ZNF782: variants seen among roughly 807,000 people sequenced by gnomAD.
ZNF782 encodes the protein zinc finger protein 782.
In ZNF782, 12 loss-of-function variants were observed where a neutral mutation model predicts 13.0. The observed-to-expected ratio is 0.92, with a 90% confidence interval of 0.59 to 1.50. The LOEUF (loss-of-function observed/expected upper bound fraction) is 1.50, where lower values mean the gene tolerates loss of function less well. ZNF782 is among the 40% of genes most tolerant of loss of function. The pLI, the probability that ZNF782 is intolerant of heterozygous loss-of-function variation, is 0.00. For missense variants in ZNF782, 770 were observed against 822.9 expected, an observed-to-expected ratio of 0.94 and a Z score of 0.79; for synonymous variants, 284 against 283.0, an observed-to-expected ratio of 1.00 and a Z score of -0.04.
chr9:96,821,955 C>T (rs771544572), intron 5 of ZNF782, among the ~76,000 whole-genome samples: 2 of 152,168 alleles, frequency 1.3e-5, no homozygotes, highest in African/African-American at 4.8e-5. Context: ...TAAGCCACCG[C>T]GCCTGGCCAA....
chr9:96,867,935 A>G (rs1262692160), intron 1 of ZNF782, among the ~76,000 whole-genome samples: 1 of 152,230 alleles, frequency 6.6e-6, no homozygotes, highest in African/African-American at 2.4e-5. Context: ...CCATTCTAGT[A>G]GCTCACTGTG....
chr9:96,862,475 T>C (rs568051480), intron 1 of ZNF782, among the ~76,000 whole-genome samples: 5 of 152,336 alleles, frequency 3.3e-5, no homozygotes, highest in African/African-American at 9.6e-5. Flanking sequence ...AAATATTTTA[T>C]ATACCCCATA....
chr9:96,839,298 T>G (rs1429556990), intron 4 of ZNF782, among the ~76,000 whole-genome samples: 3 of 145,900 alleles, frequency 2.1e-5, no homozygotes, highest in East Asian at 2.0e-4. Flanking sequence ...TTTTTTTTTT[T>G]GTCTGTACCA....
chr9:96,886,236 C>A, the ZNF782 span, among the ~76,000 whole-genome samples: 3 of 149,958 alleles, frequency 2.0e-5, no homozygotes, highest in Non-Finnish European at 4.4e-5. Context: ...AACTGTCAAC[C>A]CAGAATTCTA....
intron 4 of ZNF782, among the ~76,000 whole-genome samples, chr9:96,840,735 G>A (rs977435861): frequency 1.3e-5 from 2 of 152,014 alleles, no homozygotes; most frequent in African/African-American, 2.4e-5. Flanking sequence ...TTAGTAACCC[G>A]ATATGCAATT....
chr9:96,911,169 GTGGCTCACGCC>G, the ZNF782 span, among the ~76,000 whole-genome samples: 1 of 146,182 alleles, frequency 6.8e-6, no homozygotes, highest in South Asian at 2.1e-4. Flanking sequence ...GCCAGGCGCG[GTGGCTCACGCC>G]TGTAATCCCA....
chr9:96,900,139 C>T, the ZNF782 span, among the ~76,000 whole-genome samples: 1 of 151,016 alleles, frequency 6.6e-6, no homozygotes, highest in Non-Finnish European at 1.5e-5. Context: ...TATTTAATAG[C>T]CTTTACTCTG....
intron 1 of ZNF782, among the ~76,000 whole-genome samples, chr9:96,864,168 T>C (rs1178127314): frequency 6.7e-6 from 1 of 149,914 alleles, no homozygotes; most frequent in Non-Finnish European, 1.5e-5. Flanking sequence ...ACTGAGCAGC[T>C]CCTATTCAGA....
intron 5 of ZNF782, among the ~76,000 whole-genome samples, chr9:96,826,721 T>A (rs1408021917): frequency 1.4e-4 from 21 of 152,186 alleles, no homozygotes; most frequent in Admixed American, 1.4e-3. Flanking sequence ...ACAAACAATA[T>A]GATAGGGAAC....
chr9:96,875,563 A>G (rs1851882432), exon 1 of ZNF782: 1 of 456,710 alleles, frequency 2.2e-6, no homozygotes. Context: ...ACTTTGGTCA[A>G]CGTTTATAAA....
At chr9:96,926,382 G>A in the ZNF782 span, among the ~76,000 whole-genome samples, 2 of 152,178 alleles carry the variant, frequency 1.3e-5, no homozygotes. Flanking sequence ...TTTACTGTTT[G>A]TTTGGTTTGG....
upstream of ZNF782, among the ~76,000 whole-genome samples, chr9:96,879,550 A>C (rs1390042576): frequency 6.6e-6 from 1 of 152,186 alleles, no homozygotes; most frequent in Non-Finnish European, 1.5e-5. Context: ...GGCATCTAAT[A>C]AAAGGGACTT....
Position 96,818,673 on chromosome 9 carries a change from G to T in ZNF782, c.1350C>A (p.Phe450Leu). The T allele has an allele frequency of 5.0e-6, 8 of 1,613,100 alleles. No individual in the cohort carries two copies. Among genetic ancestry groups the T allele is most frequent in the Non-Finnish European group, 6.8e-6 (8 of 1,179,746 alleles). ...HQRTHTGEKP[F>L]ECHECGKSFN... The stretch of plus-strand genomic sequence containing the variant: ...AAGATTTCCCACATTCATGACATTC[G>T]AATGGTTTCTCCCCTGTGTGGGTTC... The change falls in exon 6 of 6, where the codon TTC becomes TTA. Residue 450 changes from phenylalanine (F) to leucine (L), a missense_variant. Transcript: ENST00000481138.
At chr9:96,911,906 G>A in the ZNF782 span, among the ~76,000 whole-genome samples, 10 of 151,938 alleles carry the variant, frequency 6.6e-5, no homozygotes, top group African/African-American at 2.4e-4. Context: ...TATATGATTT[G>A]GTTAAAAAGG....
chr9:96,864,678 T>G (rs1263342341), intron 1 of ZNF782, among the ~76,000 whole-genome samples: 1 of 152,092 alleles, frequency 6.6e-6, no homozygotes, highest in Non-Finnish European at 1.5e-5. Flanking sequence ...TTTACTTAAT[T>G]TCACAGTAAG....
At chr9:96,859,861 G>A (rs1696797896) in intron 3 of ZNF782, among the ~76,000 whole-genome samples, 1 of 152,162 alleles carries the variant, frequency 6.6e-6, no homozygotes, top group African/African-American at 2.4e-5. Flanking sequence ...TGGCATCTCT[G>A]GACTTAGCCT....
intron 5 of ZNF782, among the ~76,000 whole-genome samples, chr9:96,826,712 C>T (rs533398912): frequency 6.6e-6 from 1 of 152,250 alleles, no homozygotes; most frequent in African/African-American, 2.4e-5. Context: ...CAGCCCTGCA[C>T]AAACAATATG....
Position 96,818,438 on chromosome 9 carries a change from T to C in ZNF782, c.1585A>G (p.Thr529Ala), listed in dbSNP as rs1850256448. The C allele has an allele frequency of 6.2e-7, 1 of 1,614,190 alleles. No homozygotes were observed. Among genetic ancestry groups the C allele is most frequent in the Non-Finnish European group, 8.5e-7 (1 of 1,180,028 alleles). Residue 529 changes from threonine to alanine, a missense_variant, in exon 6 of 6, where the codon ACA (threonine) becomes GCA (alanine). Thr to Ala is a moderately conservative substitution (Grantham distance 58). Transcript: ENST00000481138. ...SGLRKHHRTH[T>A]GEKPYKCNQC... ...TTACATTTGTAGGGCTTCTCCCCTG[T>C]GTGTGTTCTATGATGTTTCCTCAGG... is the stretch of plus-strand genomic sequence containing the variant.
intron 3 of ZNF782, among the ~76,000 whole-genome samples, chr9:96,849,576 T>C (rs984599297): frequency 6.6e-6 from 1 of 152,200 alleles, no homozygotes; most frequent in Non-Finnish European, 1.5e-5. Context: ...GAAGACAACA[T>C]TTGGAAAACT....
Sources: gnomAD v4.1 joint callset for allele counts (sites outside exome capture counted in the v4.1 genomes callset) on GRCh38, gnomAD v4.1.1 for gene constraint, MANE v1.5 for transcripts, NCBI Gene and HGNC (gene_info 2026-07-23, HGNC 2026-07-21) for gene names.